Variants in COL19A1 observed in about 807,000 individuals in gnomAD.
COL19A1 encodes the protein collagen type XIX alpha 1 chain, also known as collagen alpha-1(XIX) chain.
In COL19A1, 159 loss-of-function variants were observed where a neutral mutation model predicts 190.2. That is an observed-to-expected ratio of 0.84 (90% CI 0.73 to 0.95). The LOEUF (loss-of-function observed/expected upper bound fraction) is 0.95. COL19A1 is among the 40% of genes least tolerant of loss of function. COL19A1 has a pLI of 0.00. For missense variants in COL19A1, 1,418 were observed against 1,431.9 expected, an observed-to-expected ratio of 0.99 and a Z score of 0.16; for synonymous variants, 509 against 458.9, an observed-to-expected ratio of 1.11 and a Z score of -1.39.
At chr6:70,163,501 A>G in intron 36 of COL19A1, 105 bp downstream of exon 36, 2 of 1,033,840 alleles carry the variant, frequency 1.9e-6, no homozygotes, top group Non-Finnish European at 2.9e-6. Flanking sequence ...GCCTAAAAGT[A>G]GAAATGATGG....
intron 15 of COL19A1, among the ~76,000 whole-genome samples, chr6:70,090,432 A>G (rs573008986): frequency 2.0e-5 from 3 of 152,280 alleles, no homozygotes; most frequent in Non-Finnish European, 2.9e-5. Flanking sequence ...GATTTAATGT[A>G]TATGAGAGGG....
intron 14 of COL19A1, among the ~76,000 whole-genome samples, chr6:70,048,756 C>A (rs917683046): frequency 2.0e-5 from 3 of 152,066 alleles, no homozygotes; most frequent in East Asian, 3.9e-4. Flanking sequence ...AGAGACCAAT[C>A]GTTTTTTAGT....
intron 11 of COL19A1, among the ~76,000 whole-genome samples, chr6:70,006,912 A>C (rs887756599): frequency 6.6e-6 from 1 of 152,138 alleles, no homozygotes; most frequent in East Asian, 1.9e-4. Flanking sequence ...TGCATATTGT[A>C]TAATCACTTT....
intron 16 of COL19A1, among the ~76,000 whole-genome samples, chr6:70,111,657 C>A (rs1344731879): frequency 6.6e-6 from 1 of 152,122 alleles, no homozygotes; most frequent in Non-Finnish European, 1.5e-5. Flanking sequence ...TGACTGAAAT[C>A]CTTTGTGGAA....
chr6:70,024,693 TG>T (rs1778636366), intron 12 of COL19A1, among the ~76,000 whole-genome samples: 1 of 152,058 alleles, frequency 6.6e-6, no homozygotes. Context: ...TTTCTATGTA[TG>T]TTAACTAAAA....
At chr6:69,966,190 G>C (rs1228499240) in intron 11 of COL19A1, among the ~76,000 whole-genome samples, 1 of 151,988 alleles carries the variant, frequency 6.6e-6, no homozygotes, top group Non-Finnish European at 1.5e-5. Flanking sequence ...CCGTGCGGGA[G>C]GTGGGGGGCA....
At chr6:69,996,659 C>T (rs997172527) in intron 11 of COL19A1, among the ~76,000 whole-genome samples, 4 of 151,640 alleles carry the variant, frequency 2.6e-5, no homozygotes, top group Non-Finnish European at 5.9e-5. Flanking sequence ...AAATAATATT[C>T]CTTAGCTTAC....
At chr6:70,008,126 T>C (rs1777746172) in intron 11 of COL19A1, among the ~76,000 whole-genome samples, 1 of 150,500 alleles carries the variant, frequency 6.6e-6, no homozygotes, top group Non-Finnish European at 1.5e-5. Context: ...TCCAAGAATA[T>C]GGAAAAAAGA....
chr6:69,949,938 A>G (rs1774029458), intron 9 of COL19A1, among the ~76,000 whole-genome samples: 2 of 151,858 alleles, frequency 1.3e-5, no homozygotes, highest in Non-Finnish European at 2.9e-5. Flanking sequence ...ATATTCTCAA[A>G]GTGAAGATTT....
At chr6:69,883,863 A>G (rs1768731737) in intron 2 of COL19A1, among the ~76,000 whole-genome samples, 1 of 152,198 alleles carries the variant, frequency 6.6e-6, no homozygotes, top group South Asian at 2.1e-4. Context: ...TTGAAAAAAC[A>G]AAACATTAAA....
chr6:70,105,281 C>G (rs553419088), intron 16 of COL19A1, among the ~76,000 whole-genome samples: 3 of 152,222 alleles, frequency 2.0e-5, no homozygotes, highest in Admixed American at 2.0e-4. Context: ...CCTCAGCCTC[C>G]CGAGTAGCTG....
At chr6:70,197,682 TAGTG>T (rs1281665255) in intron 48 of COL19A1, among the ~76,000 whole-genome samples, 3 of 152,138 alleles carry the variant, frequency 2.0e-5, no homozygotes, top group Non-Finnish European at 2.9e-5. Context: ...CCCAGGTAGA[TAGTG>T]AGGTAGTGAT....
At chr6:69,900,462 GGTAAACGTGTT>G (rs1378233636) in intron 4 of COL19A1, 124 bp downstream of exon 4, 3 of 472,380 alleles carry the variant, frequency 6.4e-6, no homozygotes, top group African/African-American at 6.0e-5. Flanking sequence ...GGAATGCAGT[GGTAAACGTGTT>G]GTTAATGTAT....
intron 30 of COL19A1, 82 bp downstream of exon 30, chr6:70,150,127 C>A: frequency 1.4e-6 from 2 of 1,389,974 alleles, no homozygotes; most frequent in Non-Finnish European, 2.0e-6. Flanking sequence ...TTTTGCTGTC[C>A]AAACTAATTA....
chr6:70,088,146 A>G (rs1376614287), intron 15 of COL19A1, among the ~76,000 whole-genome samples: 1 of 152,142 alleles, frequency 6.6e-6, no homozygotes, highest in Non-Finnish European at 1.5e-5. Flanking sequence ...CCTGCCCTCC[A>G]GAATTTATAG....
In COL19A1 at chr6:69,921,411, C is replaced by CATATATATCATATATCAT. The variant is rs377420368; in HGVS notation, c.267-6492_267-6491insATCATATATCATATATAT. On this transcript the variant is annotated intron_variant, in intron 4 of 50. Coordinates refer to ENST00000620364, the MANE Select transcript of COL19A1 (RefSeq NM_001858.6). ...CATATATATCATATATCATATATAT[C>CATATATATCATATATCAT]ATATATCATATATATCATATATATC... is the stretch of plus-strand genomic sequence containing the variant. Among the ~76,000 whole-genome samples, 84 of 82,062 alleles carry CATATATATCATATATCAT rather than the reference C, an allele frequency of 1.0e-3. 4 individuals are homozygous for CATATATATCATATATCAT. Among genetic ancestry groups the CATATATATCATATATCAT allele is most frequent in the Middle Eastern group, 0.017 (1 of 60 alleles). 53.8% of individuals were successfully genotyped at this position (82,062 alleles called of 152,430 possible).
At chr6:70,154,107 A>ACCCCCCCCCACCCCCCCCCC (rs1174932629) in intron 31 of COL19A1, among the ~76,000 whole-genome samples, 1 of 70,262 alleles carries the variant, frequency 1.4e-5, no homozygotes, top group Non-Finnish European at 3.0e-5. Flanking sequence ...TCCCTCCCCT[A>ACCCCCCCCCACCCCCCCCCC]CCCCCCCCAA....
chr6:70,130,144 A>AT (rs1785434106), intron 17 of COL19A1, 38 bp from the exon 18 acceptor site: 2 of 1,606,844 alleles, frequency 1.2e-6, no homozygotes, highest in Non-Finnish European at 8.5e-7. Flanking sequence ...AAATTAGCGG[A>AT]TTTTTCTTTT....
At chr6:69,878,551 A>G (rs1331415044) in intron 1 of COL19A1, among the ~76,000 whole-genome samples, 1 of 152,188 alleles carries the variant, frequency 6.6e-6, no homozygotes, top group Non-Finnish European at 1.5e-5. Flanking sequence ...AGCAAGCATT[A>G]TCTAGGATAT....
Sources: allele counts gnomAD v4.1 joint callset (sites outside exome capture counted in the v4.1 genomes callset), GRCh38; gene constraint gnomAD v4.1.1; transcripts MANE v1.5; gene names NCBI Gene and HGNC (gene_info 2026-07-23, HGNC 2026-07-21).